The following B3GALT1 variants were observed in gnomAD, a reference collection of about 807,000 sequenced individuals.
The protein encoded by B3GALT1 is UDP-Gal:betaGlcNAc beta 1,3-galactosyltransferase, polypeptide 1.
B3GALT1 carries 10 observed loss-of-function variants against 23.2 expected under a neutral mutation model. The observed-to-expected ratio is 0.43, with a 90% CI of 0.27 to 0.73. The LOEUF (loss-of-function observed/expected upper bound fraction) is 0.73, where lower values mean the gene tolerates loss of function less well. Among genes scored for constraint, B3GALT1 ranks in the 30% least tolerant of loss-of-function variants. The probability of loss-of-function intolerance (pLI) is 0.21; values close to 1 mark genes in which losing one functional copy is unlikely to be tolerated. For synonymous variants in B3GALT1, 156 were observed against 141.5 expected (o/e 1.10, Z -0.73); for missense variants, 299 against 405.4 (o/e 0.74, Z 2.25).
chr2:167,370,991 T>C (rs1012369267), intron 1 of B3GALT1, among the ~76,000 whole-genome samples: 1 of 152,128 alleles, frequency 6.6e-6, no homozygotes, highest in Non-Finnish European at 1.5e-5. Context: ...AAAATTGCAT[T>C]ATGAACCATG....
intron 2 of B3GALT1, among the ~76,000 whole-genome samples, chr2:167,542,163 A>G (rs1251597733): frequency 6.6e-6 from 1 of 152,038 alleles, no homozygotes; most frequent in Admixed American, 6.6e-5. Context: ...CTTATCTTGT[A>G]TAAATAATGT....
At chr2:167,413,611 G>A (rs998032286) in intron 1 of B3GALT1, among the ~76,000 whole-genome samples, 6 of 151,682 alleles carry the variant, frequency 4.0e-5, no homozygotes, top group African/African-American at 1.5e-4. Context: ...AAAGTGTATG[G>A]CATTTTTATC....
At chr2:167,865,977 A>G (rs1479687418) in intron 4 of B3GALT1, among the ~76,000 whole-genome samples, 18 of 144,628 alleles carry the variant, frequency 1.2e-4, no homozygotes, top group Admixed American at 1.0e-3. Context: ...ACCCTCCCCC[A>G]TCCTCCTCCC....
intron 1 of B3GALT1, among the ~76,000 whole-genome samples, chr2:167,488,591 T>G (rs1415130156): frequency 1.3e-5 from 2 of 152,220 alleles, no homozygotes; most frequent in Non-Finnish European, 2.9e-5. Context: ...GTCTGTTTGT[T>G]TTTTAATGTA....
intron 2 of B3GALT1, among the ~76,000 whole-genome samples, chr2:167,643,347 T>C (rs1186866552): frequency 6.6e-6 from 1 of 152,220 alleles, no homozygotes; most frequent in African/African-American, 2.4e-5. Context: ...ATTTTGGGAT[T>C]GGATCAAAAG....
intron 2 of B3GALT1, among the ~76,000 whole-genome samples, chr2:167,507,245 G>A (rs1211848273): frequency 3.9e-5 from 6 of 151,940 alleles, no homozygotes; most frequent in Non-Finnish European, 7.4e-5. Context: ...AGTGGCTCAC[G>A]CCTGTAATCC....
rs966927745 is a variant in B3GALT1 at position 167,539,778 on chromosome 2, C to A, written c.-410+49501C>A. Among the ~76,000 whole-genome samples the A allele has an allele frequency of 2.0e-5, 3 of 151,692 alleles. No homozygotes were observed. The East Asian group carries it at 5.8e-4, about 29-fold the overall frequency. On this transcript the variant is annotated intron_variant, in intron 2 of 4. Coordinates refer to ENST00000392690, the MANE Select transcript of B3GALT1 (RefSeq NM_020981.4). ...AGGTGAAGATAATATAATTTGGTAT[C>A]CACAAAATATTATTGAAAATAGGAA...
intron 1 of B3GALT1, among the ~76,000 whole-genome samples, chr2:167,308,739 T>C (rs1396621663): frequency 6.6e-6 from 1 of 152,070 alleles, no homozygotes. Flanking sequence ...AATGACATCC[T>C]GTACTTAATC....
chr2:167,564,287 C>A (rs1453929508), intron 2 of B3GALT1, among the ~76,000 whole-genome samples: 1 of 151,316 alleles, frequency 6.6e-6, no homozygotes, highest in Admixed American at 6.6e-5. Context: ...GAGACGCTCC[C>A]CCCCTCCCAG....
At chr2:167,357,296 T>A (rs752816805) in intron 1 of B3GALT1, among the ~76,000 whole-genome samples, 13 of 152,098 alleles carry the variant, frequency 8.5e-5, no homozygotes, top group Non-Finnish European at 1.0e-4. Context: ...TGGTTCAGAA[T>A]GTGTAATTAA....
chr2:167,497,448 A>G (rs1040070274), intron 2 of B3GALT1, among the ~76,000 whole-genome samples: 3 of 152,188 alleles, frequency 2.0e-5, no homozygotes, highest in Admixed American at 6.5e-5. Context: ...TTTTAAATCA[A>G]TCTTTAAGCA....
intron 1 of B3GALT1, among the ~76,000 whole-genome samples, chr2:167,300,402 G>T (rs1348603253): frequency 6.6e-6 from 1 of 152,096 alleles, no homozygotes. Context: ...TATACATACA[G>T]ACAATCACAG....
At chr2:167,410,239 C>T (rs1323489710) in intron 1 of B3GALT1, among the ~76,000 whole-genome samples, 1 of 152,050 alleles carries the variant, frequency 6.6e-6, no homozygotes, top group Non-Finnish European at 1.5e-5. Context: ...TGCGGTGGCT[C>T]ACACGTGTAA....
At chr2:167,597,197 A>G (rs1281827638) in intron 2 of B3GALT1, among the ~76,000 whole-genome samples, 4 of 149,408 alleles carry the variant, frequency 2.7e-5, no homozygotes, top group South Asian at 2.1e-4. Context: ...CTCACTGCAA[A>G]CTCCGCCTTC....
intron 2 of B3GALT1, among the ~76,000 whole-genome samples, chr2:167,538,290 T>C (rs887923784): frequency 1.3e-5 from 2 of 152,240 alleles, no homozygotes; most frequent in African/African-American, 4.8e-5. Context: ...TTGGTTTAGC[T>C]GAGTAAATTA....
rs944009177 is a variant in B3GALT1, at chr2:167,873,390, A to G, written c.*3370A>G. On this transcript the variant is annotated 3_prime_UTR_variant, in exon 5 of 5. Coordinates refer to ENST00000392690, the MANE Select transcript of B3GALT1 (RefSeq NM_020981.4). ...GAAGATCACTTTTAATTTGGATTCA[A>G]TTCAGAAGAATAAAACCCCTTTGCG... 4 of 152,352 alleles carry G rather than the reference A, an allele frequency of 2.6e-5. No homozygotes were observed. The highest frequency in any genetic ancestry group is 2.0e-4 in the Admixed American group (3 of 15,310). The allele number at this position is 152,352 out of a possible 1,614,324, so 9.4% of individuals were successfully genotyped here.
intron 1 of B3GALT1, among the ~76,000 whole-genome samples, chr2:167,429,285 A>T (rs1293977283): frequency 2.6e-5 from 4 of 151,130 alleles, no homozygotes; most frequent in Admixed American, 1.3e-4. Flanking sequence ...TGTCTCAAAA[A>T]AAAAAAAAAA....
At chr2:167,512,637 CAT>C (rs748345888) in intron 2 of B3GALT1, among the ~76,000 whole-genome samples, 1,636 of 64,932 alleles carry the variant, frequency 0.025, 121 homozygotes, top group Middle Eastern at 0.065. Flanking sequence ...TATATATATA[CAT>C]ATATATATAT....
chr2:167,709,992 G>GATA (rs1558955848), intron 3 of B3GALT1, among the ~76,000 whole-genome samples: 1 of 152,062 alleles, frequency 6.6e-6, no homozygotes, highest in Non-Finnish European at 1.5e-5. Flanking sequence ...TGTAAGTACA[G>GATA]ATAATATGTT....
Sources: allele counts gnomAD v4.1 joint callset (sites outside exome capture counted in the v4.1 genomes callset), GRCh38; gene constraint gnomAD v4.1.1; transcripts MANE v1.5; gene names NCBI Gene and HGNC (gene_info 2026-07-23, HGNC 2026-07-21).